CD247: variants seen among roughly 807,000 people sequenced by gnomAD.
CD247 encodes the protein T-cell surface glycoprotein CD3 zeta chain.
CD247 carries 13 observed loss-of-function variants against 30.0 expected under a neutral mutation model. The observed-to-expected ratio is 0.43, with a 90% confidence interval of 0.28 to 0.69. The LOEUF (loss-of-function observed/expected upper bound fraction) is 0.69, where lower values mean the gene tolerates loss of function less well. CD247 is among the 30% of genes least tolerant of loss of function. The probability of loss-of-function intolerance (pLI) is 0.16; values close to 1 mark genes in which losing one functional copy is unlikely to be tolerated. For missense variants in CD247, 193 were observed against 212.6 expected, an observed-to-expected ratio of 0.91 and a Z score of 0.57; for synonymous variants, 72 against 80.0, an observed-to-expected ratio of 0.90 and a Z score of 0.53.
intron 1 of CD247, among the ~76,000 whole-genome samples, chr1:167,455,379 G>C: frequency 6.6e-6 from 1 of 152,170 alleles, no homozygotes; most frequent in Non-Finnish European, 1.5e-5. Flanking sequence ...CCAGGCGGCC[G>C]GGACCGCCGT....
At chr1:167,437,722 G>A (rs1278478290) in intron 4 of CD247, among the ~76,000 whole-genome samples, 1 of 152,158 alleles carries the variant, frequency 6.6e-6, no homozygotes, top group African/African-American at 2.4e-5. Flanking sequence ...GGGAATGGGG[G>A]GAATGGGGAG....
chr1:167,483,021 T>TCTTTCTTTC (rs1654040175), intron 1 of CD247, among the ~76,000 whole-genome samples: 1 of 151,444 alleles, frequency 6.6e-6, no homozygotes, highest in Non-Finnish European at 1.5e-5. Context: ...TCTTTTTTTT[T>TCTTTCTTTC]TTTTGAGACT....
At chr1:167,479,223 C>T (rs571215115) in intron 1 of CD247, among the ~76,000 whole-genome samples, 21 of 152,170 alleles carry the variant, frequency 1.4e-4, no homozygotes, top group Non-Finnish European at 2.9e-4. Context: ...ACAGGTGGCA[C>T]TGGTTATGGT....
intron 1 of CD247, among the ~76,000 whole-genome samples, chr1:167,503,185 A>G (rs1307468899): frequency 2.0e-5 from 3 of 152,184 alleles, no homozygotes; most frequent in Admixed American, 6.5e-5. Flanking sequence ...TCCTGCCGGT[A>G]TTCAAAATGA....
intron 6 of CD247, 55 bp downstream of exon 6, chr1:167,433,965 G>T: frequency 7.0e-7 from 1 of 1,436,492 alleles, no homozygotes; most frequent in Non-Finnish European, 9.8e-7. Flanking sequence ...TGCAGCAGGC[G>T]TGTCTGGAGG....
chr1:167,444,808 T>A (rs371236109), intron 1 of CD247, among the ~76,000 whole-genome samples: 78 of 152,360 alleles, frequency 5.1e-4, no homozygotes, highest in African/African-American at 1.8e-3. Flanking sequence ...TGGTCCTTCT[T>A]ATACACTGTA....
At chr1:167,452,061 G>A (rs1030712213) in intron 1 of CD247, among the ~76,000 whole-genome samples, 5 of 152,112 alleles carry the variant, frequency 3.3e-5, no homozygotes, top group African/African-American at 7.2e-5. Flanking sequence ...CGTCTCTACC[G>A]AAAATACAGA....
At chr1:167,438,190 G>A (rs538734901) in intron 4 of CD247, among the ~76,000 whole-genome samples, 5 of 152,118 alleles carry the variant, frequency 3.3e-5, no homozygotes, top group Admixed American at 6.5e-5. Flanking sequence ...ACCATACCCC[G>A]ACCATATGTG....
At chr1:167,432,402 C>T (rs1329208241) in intron 7 of CD247, among the ~76,000 whole-genome samples, 2 of 152,206 alleles carry the variant, frequency 1.3e-5, no homozygotes, top group Admixed American at 1.3e-4. Context: ...TCAACTCAGG[C>T]AAGCTGGGCA....
At position 167,450,449 on chromosome 1, in the gene CD247, G is replaced by A. The variant is rs140651359; in HGVS notation, c.59-9682C>T. ...GTCAAAACTGCAGTGAGCCCTGACC[G>A]TGTCACTGCACTCCAGCCTGGTTGA... is the stretch of plus-strand genomic sequence containing the variant. On this transcript the variant is annotated intron_variant, in intron 1 of 7. Coordinates refer to ENST00000362089, the MANE Select transcript of CD247 (RefSeq NM_198053.3). Among the ~76,000 whole-genome samples, 1,509 of 152,184 alleles carry A rather than the reference G, an allele frequency of 9.9e-3. 19 individuals are homozygous for A. Among genetic ancestry groups the A allele is most frequent in the South Asian group, 0.027 (130 of 4,824 alleles).
chr1:167,507,914 C>T (rs1346066092), intron 1 of CD247, among the ~76,000 whole-genome samples: 11 of 152,030 alleles, frequency 7.2e-5, no homozygotes, highest in Non-Finnish European at 2.9e-5. Flanking sequence ...TTCAAAATGG[C>T]TGACAGGAAT....
At chr1:167,483,261 G>A (rs1274204934) in intron 1 of CD247, among the ~76,000 whole-genome samples, 1 of 152,112 alleles carries the variant, frequency 6.6e-6, no homozygotes, top group Non-Finnish European at 1.5e-5. Flanking sequence ...ACCTGCCTCA[G>A]CCTCCCAAAA....
intron 1 of CD247, among the ~76,000 whole-genome samples, chr1:167,469,537 G>A (rs1391438271): frequency 6.6e-6 from 1 of 152,100 alleles, no homozygotes; most frequent in Admixed American, 6.5e-5. Flanking sequence ...AGACAGTCAC[G>A]GGCATTGACT....
chr1:167,448,232 G>C (rs912927034), intron 1 of CD247: 29 of 374,132 alleles, frequency 7.8e-5, no homozygotes, highest in Non-Finnish European at 8.8e-5. Flanking sequence ...TTCACAGCTA[G>C]GGAAACTGAG....
chr1:167,491,037 A>G (rs532896431), intron 1 of CD247, among the ~76,000 whole-genome samples: 51 of 152,288 alleles, frequency 3.3e-4, no homozygotes, highest in African/African-American at 1.2e-3. Context: ...AATTTGTCAC[A>G]TTTAAAATAG....
intron 1 of CD247, among the ~76,000 whole-genome samples, chr1:167,446,943 G>C (rs561252083): frequency 2.0e-5 from 3 of 152,052 alleles, no homozygotes; most frequent in African/African-American, 7.2e-5. Context: ...TGCAGTAAGC[G>C]GAGATTACGC....
Position 167,505,581 on chromosome 1 carries a change from C to T in CD247, c.58+12827G>A, listed in dbSNP as rs13374115. Among the ~76,000 whole-genome samples the T allele has an allele frequency of 5.7e-3, 870 of 152,348 alleles. 8 individuals carry two copies. Among genetic ancestry groups the T allele is most frequent in the African/African-American group, 0.02 (821 of 41,576 alleles). On this transcript the variant is annotated intron_variant, in intron 1 of 7. Transcript: ENST00000362089. ...GGGGCAAGGCACAAGGGCTGCCCCT[C>T]GCCCTCCGGCAGCCTGTTGCCCAGC... is the stretch of plus-strand genomic sequence containing the variant.
intron 1 of CD247, among the ~76,000 whole-genome samples, chr1:167,504,538 G>A (rs1655039636): frequency 1.3e-5 from 2 of 152,138 alleles, no homozygotes; most frequent in African/African-American, 4.8e-5. Flanking sequence ...ATTGGTTTTA[G>A]TCTTCTCTCC....
intron 1 of CD247, among the ~76,000 whole-genome samples, chr1:167,446,111 C>G (rs1479873986): frequency 6.6e-6 from 1 of 152,182 alleles, no homozygotes; most frequent in Non-Finnish European, 1.5e-5. Context: ...AGGTACTTCT[C>G]TTAGCCTTAT....
Sources: allele counts gnomAD v4.1 joint callset (sites outside exome capture counted in the v4.1 genomes callset), GRCh38; gene constraint gnomAD v4.1.1; transcripts MANE v1.5; gene names NCBI Gene and HGNC (gene_info 2026-07-23, HGNC 2026-07-21).